Variants in ARHGAP25 observed in about 807,000 individuals in gnomAD.
ARHGAP25 encodes Rho GTPase activating protein 25, also known as rho GTPase-activating protein 25.
ARHGAP25 carries 34 observed loss-of-function variants against 71.0 expected under a neutral mutation model. The ratio of observed to expected loss-of-function variants is 0.48; its 90% CI spans 0.36 to 0.64. The LOEUF (loss-of-function observed/expected upper bound fraction) is 0.64, where lower values mean the gene tolerates loss of function less well. ARHGAP25 is among the 30% of genes least tolerant of loss of function. The pLI, the probability that ARHGAP25 is intolerant of heterozygous loss-of-function variation, is 0.00. For missense variants in ARHGAP25, 706 were observed against 805.1 expected, an observed-to-expected ratio of 0.88 and a Z score of 1.49; for synonymous variants, 282 against 296.5, an observed-to-expected ratio of 0.95 and a Z score of 0.50.
rs138061815 is a variant in ARHGAP25, at chr2:68,804,888, G to A, written c.467-2385G>A. 3.3e-5 allele frequency among the ~76,000 whole-genome samples: 5 copies of A among 152,312 alleles called. No homozygotes were observed. In the East Asian group the frequency reaches 9.6e-4, roughly 29 times the overall value. ...GCCAGGGGTTACACTAGACATTGGG[G>A]ATGAAAACAGCCTTTCCTCCTATTC... On this transcript the variant is annotated intron_variant, in intron 4 of 10. Transcript: ENST00000409202.
chr2:68,719,663 A>G (rs1225564109), intron 2 of ARHGAP25, among the ~76,000 whole-genome samples: 1 of 152,218 alleles, frequency 6.6e-6, no homozygotes, highest in Non-Finnish European at 1.5e-5. Flanking sequence ...ATTTTAAGGT[A>G]ACTTAATGAT....
At chr2:68,755,667 G>A (rs1676436650) in intron 1 of ARHGAP25, among the ~76,000 whole-genome samples, 1 of 152,092 alleles carries the variant, frequency 6.6e-6, no homozygotes, top group African/African-American at 2.4e-5. Context: ...TCTTGAGTCT[G>A]AGTACAACTT....
chr2:68,754,088 A>G (rs977059635), intron 1 of ARHGAP25, among the ~76,000 whole-genome samples: 4 of 152,012 alleles, frequency 2.6e-5, no homozygotes, highest in Admixed American at 6.6e-5. Flanking sequence ...TATTTTTAGT[A>G]GAGACGGGGT....
chr2:68,775,913 A>G (rs1375020408), intron 2 of ARHGAP25: 2 of 320,212 alleles, frequency 6.2e-6, no homozygotes, highest in Non-Finnish European at 1.2e-5. Flanking sequence ...ACAAATAAGA[A>G]AAGTATGTAG....
At chr2:68,777,640 A>G (rs912111454) in intron 2 of ARHGAP25, among the ~76,000 whole-genome samples, 1 of 152,208 alleles carries the variant, frequency 6.6e-6, no homozygotes, top group Non-Finnish European at 1.5e-5. Context: ...ACATCGGATC[A>G]ATAGGTCAAG....
intron 4 of ARHGAP25, among the ~76,000 whole-genome samples, chr2:68,804,264 G>A (rs558453037): frequency 6.6e-6 from 1 of 152,284 alleles, no homozygotes; most frequent in Admixed American, 6.5e-5. Context: ...ACTTCTCTGT[G>A]CACATCCTTA....
intron 2 of ARHGAP25, among the ~76,000 whole-genome samples, chr2:68,781,168 A>G (rs1678307771): frequency 6.6e-6 from 1 of 152,098 alleles, no homozygotes; most frequent in African/African-American, 2.4e-5. Flanking sequence ...TGGGTGGATC[A>G]TGAAGTCAGG....
chr2:68,782,186 A>T (rs1450656982), intron 2 of ARHGAP25, 47 bp from the exon 3 acceptor site: 1 of 1,552,172 alleles, frequency 6.4e-7, no homozygotes, highest in East Asian at 2.2e-5. Context: ...ATTTTAGTTT[A>T]TATTAAATTG....
At chr2:68,810,234 C>A (rs1680685994) in intron 5 of ARHGAP25, among the ~76,000 whole-genome samples, 1 of 151,882 alleles carries the variant, frequency 6.6e-6, no homozygotes, top group South Asian at 2.1e-4. Flanking sequence ...AAATAGACAT[C>A]TGAGTTAGCC....
chr2:68,716,374 C>T (rs923049959), intron 2 of ARHGAP25, among the ~76,000 whole-genome samples: 1 of 152,210 alleles, frequency 6.6e-6, no homozygotes, highest in East Asian at 1.9e-4. Context: ...ATCCATGTAA[C>T]CCTCTTGGAA....
intron 1 of ARHGAP25, among the ~76,000 whole-genome samples, chr2:68,741,526 G>T (rs1451174159): frequency 6.6e-6 from 1 of 152,138 alleles, no homozygotes; most frequent in East Asian, 1.9e-4. Context: ...TCTTTGATCA[G>T]AGTTTATGTG....
At chr2:68,784,377 T>C (rs945973426) in intron 3 of ARHGAP25, among the ~76,000 whole-genome samples, 1 of 152,228 alleles carries the variant, frequency 6.6e-6, no homozygotes, top group African/African-American at 2.4e-5. Context: ...TTTTGCAAGA[T>C]GATTCTCCGG....
At chr2:68,771,128 T>G (rs937574506) in intron 1 of ARHGAP25, among the ~76,000 whole-genome samples, 9 of 152,224 alleles carry the variant, frequency 5.9e-5, no homozygotes, top group Non-Finnish European at 1.0e-4. Context: ...TTATGGTTAG[T>G]GGCTACTGTA....
intron 2 of ARHGAP25, among the ~76,000 whole-genome samples, chr2:68,718,319 C>A (rs191921955): frequency 6.6e-6 from 1 of 152,282 alleles, no homozygotes; most frequent in African/African-American, 2.4e-5. Context: ...CTTCTAGAGG[C>A]TTCCAGCATT....
intron 2 of ARHGAP25, among the ~76,000 whole-genome samples, chr2:68,717,639 G>A (rs190024721): frequency 1.8e-3 from 272 of 152,264 alleles, no homozygotes; most frequent in African/African-American, 6.2e-3. Context: ...GCAGTCACTC[G>A]GCCTTTCACA....
intron 1 of ARHGAP25, among the ~76,000 whole-genome samples, chr2:68,753,101 C>A (rs2104320892): frequency 6.6e-6 from 1 of 152,160 alleles, no homozygotes; most frequent in African/African-American, 2.4e-5. Flanking sequence ...AAAACCACCC[C>A]CCAGTTGAGA....
intron 5 of ARHGAP25, among the ~76,000 whole-genome samples, chr2:68,808,945 A>G (rs550144211): frequency 6.6e-6 from 1 of 152,118 alleles, no homozygotes; most frequent in Admixed American, 6.6e-5. Flanking sequence ...TTACCTTGCG[A>G]CATCTCCACC....
intron 1 of ARHGAP25, among the ~76,000 whole-genome samples, chr2:68,741,195 T>C (rs1013190385): frequency 1.1e-4 from 17 of 152,230 alleles, no homozygotes; most frequent in African/African-American, 4.1e-4. Flanking sequence ...CTTTTAATGT[T>C]ATATCTTCAG....
At chr2:68,761,695 AC>A (rs1676831936) in intron 1 of ARHGAP25, among the ~76,000 whole-genome samples, 1 of 152,314 alleles carries the variant, frequency 6.6e-6, no homozygotes, top group Middle Eastern at 3.4e-3. Context: ...AGCAACTCAC[AC>A]CCATTATGAT....
Sources: allele counts gnomAD v4.1 joint callset (sites outside exome capture counted in the v4.1 genomes callset), GRCh38; gene constraint gnomAD v4.1.1; transcripts MANE v1.5; gene names NCBI Gene and HGNC (gene_info 2026-07-23, HGNC 2026-07-21).